PTPN3: variants seen among roughly 807,000 people sequenced by gnomAD.
PTPN3 encodes protein tyrosine phosphatase non-receptor type 3.
In PTPN3, 96 loss-of-function variants were observed where a neutral mutation model predicts 132.7. The ratio of observed to expected loss-of-function variants is 0.72; its 90% CI spans 0.61 to 0.86. The LOEUF (loss-of-function observed/expected upper bound fraction) is 0.86, where lower values mean the gene tolerates loss of function less well. Ranked by LOEUF, PTPN3 falls within the 40% of genes least tolerant of loss-of-function variation. The probability of loss-of-function intolerance (pLI) is 0.00; values close to 1 mark genes in which losing one functional copy is unlikely to be tolerated. For missense variants in PTPN3, 1,125 were observed against 1,159.6 expected, an observed-to-expected ratio of 0.97 and a Z score of 0.43; for synonymous variants, 398 against 429.0, an observed-to-expected ratio of 0.93 and a Z score of 0.89.
At chr9:109,382,962 C>T (rs1839240638) in intron 23 of PTPN3, among the ~76,000 whole-genome samples, 1 of 152,178 alleles carries the variant, frequency 6.6e-6, no homozygotes, top group Non-Finnish European at 1.5e-5. Flanking sequence ...GATGTCCTTT[C>T]TCCTCCTTCC....
intron 19 of PTPN3, 26 bp downstream of exon 19, chr9:109,404,422 G>A (rs750141414): frequency 3.7e-6 from 5 of 1,367,232 alleles, no homozygotes; most frequent in Admixed American, 4.6e-5. Flanking sequence ...ACATGGCAGT[G>A]GGATTCAGCC....
Position 109,420,557 on chromosome 9 carries a change from A to G in PTPN3, c.1180T>C (p.Ser394Pro), listed in dbSNP as rs1413580101. The G allele has an allele frequency of 1.2e-6, 2 of 1,612,452 alleles. No individual in the cohort carries two copies. The highest frequency in any genetic ancestry group is 1.1e-5 in the South Asian group (1 of 90,986). The part of the protein sequence containing the change: ...LRHEIRKPRH[S>P]SADNLANEMT... Reference sequence around the variant, plus strand: ...TCATTTGCAAGGTTATCTGCAGAAGAGTGGCGTGGCTTTCGGATTTCGTGC... The same window carrying G: ...TCATTTGCAAGGTTATCTGCAGAAGGGTGGCGTGGCTTTCGGATTTCGTGC... Residue 394 changes from serine to proline, a missense_variant, in exon 14 of 26, where the codon TCT becomes CCT. Coordinates refer to ENST00000374541, the MANE Select transcript of PTPN3 (RefSeq NM_002829.4).
chr9:109,515,104 C>G, the PTPN3 span, among the ~76,000 whole-genome samples: 2 of 152,090 alleles, frequency 1.3e-5, no homozygotes, highest in Non-Finnish European at 2.9e-5. Context: ...CTCACTGCAG[C>G]CTCAACCTTC....
intron 16 of PTPN3, among the ~76,000 whole-genome samples, chr9:109,408,641 A>G (rs998640433): frequency 5.3e-5 from 8 of 151,984 alleles, no homozygotes; most frequent in Non-Finnish European, 7.4e-5. Context: ...CCCACAGTCC[A>G]TGAACTAACA....
Position 109,391,565 on chromosome 9 carries a change from T to C in PTPN3, c.1954-4A>G, listed in dbSNP as rs779533736. The C allele has an allele frequency of 4.4e-6, 7 of 1,606,756 alleles. No individual in the cohort carries two copies. The highest frequency in any genetic ancestry group is 1.7e-5 in the Admixed American group (1 of 58,622). On this transcript the variant is annotated splice_polypyrimidine_tract_variant and splice_region_variant and intron_variant, in intron 19 of 25. Transcript: ENST00000374541. Reference sequence around the variant, plus strand: ...CTGGCTTTTTTCTGTAGAGTTGCTATGTGAGAAATAGAGAAAAAAGCAAGC... The same window carrying C: ...CTGGCTTTTTTCTGTAGAGTTGCTACGTGAGAAATAGAGAAAAAAGCAAGC...
Position 109,383,297 on chromosome 9 carries a change from G to A in PTPN3, c.2382+126C>T, listed in dbSNP as rs111659621. On this transcript the variant is annotated intron_variant, in intron 23 of 25. Coordinates refer to ENST00000374541, the MANE Select transcript of PTPN3 (RefSeq NM_002829.4). ...CCCTGGCTCTTTGATGGGCAGTCTT[G>A]CGCACTTACTGACACGCTTGCCAGG... 3.0e-4 allele frequency: 465 copies of A among 1,526,932 alleles called. 3 individuals carry two copies. In the African/African-American group the frequency reaches 5.5e-3, roughly 18 times the overall value. The allele number at this position is 1,526,932 out of a possible 1,614,324, so 94.6% of individuals were successfully genotyped here. A position where few individuals can be genotyped will look rare whatever the true frequency, so the allele number is the denominator to read the frequency against.
intron 12 of PTPN3, among the ~76,000 whole-genome samples, chr9:109,425,410 C>G (rs1281553499): frequency 6.6e-6 from 1 of 152,180 alleles, no homozygotes; most frequent in Non-Finnish European, 1.5e-5. Flanking sequence ...GAAAAACCAA[C>G]AAATGATTTA....
chr9:109,392,894 G>T (rs1313330763), intron 19 of PTPN3: 1 of 152,176 alleles, frequency 6.6e-6, no homozygotes, highest in Non-Finnish European at 1.5e-5. Context: ...GTGAGTCACT[G>T]CACCCGGCTA....
At chr9:109,445,436 T>C (rs1480188416) in intron 6 of PTPN3, 144 bp from the exon 7 acceptor site, 12 of 749,860 alleles carry the variant, frequency 1.6e-5, no homozygotes, top group Non-Finnish European at 2.8e-5. Flanking sequence ...AGCAACTTTA[T>C]GCTGCACATA....
At position 109,398,490 on chromosome 9, in the gene PTPN3, A is replaced by G. The variant is rs558512162; in HGVS notation, c.1953+5958T>C. Among the ~76,000 whole-genome samples, 3 of 152,344 alleles carry G rather than the reference A, an allele frequency of 2.0e-5. 1 individual carries two copies. The highest frequency in any genetic ancestry group is 7.2e-5 in the African/African-American group (3 of 41,580). ...AGTAAGTAAAGTAAAAACAGGGGCC[A>G]GAAGAACAAAGATGGTTTCTGGTTT... On this transcript the variant is annotated intron_variant, in intron 19 of 25. Coordinates refer to ENST00000374541, the MANE Select transcript of PTPN3 (RefSeq NM_002829.4).
chr9:109,404,592 A>C lies in PTPN3; in HGVS notation c.1809T>G (p.Ala603=). The C allele has an allele frequency of 1.3e-6, 2 of 1,542,896 alleles. No individual in the cohort carries two copies. The highest frequency in any genetic ancestry group is 1.8e-6 in the Non-Finnish European group (2 of 1,133,064). ...TCAGTTCATCTTCAGACTTGAAGTC[A>C]GCAAATGAGCGGACAGCTGTAACGT... The part of the protein sequence containing the change: ...VIRRRAVRSF[A]DFKSEDELNQ... Residue 603 remains alanine (A), a synonymous_variant, in exon 19 of 26, where the codon GCT becomes GCG. Transcript: ENST00000374541.
the PTPN3 span, among the ~76,000 whole-genome samples, chr9:109,518,791 T>C: frequency 1.3e-5 from 2 of 152,206 alleles, no homozygotes; most frequent in Admixed American, 1.3e-4. Context: ...GACATGATCT[T>C]GAGCAAGTTC....
chr9:109,496,238 A>C (rs752545597), intron 1 of PTPN3, among the ~76,000 whole-genome samples: 20 of 152,256 alleles, frequency 1.3e-4, no homozygotes, highest in Non-Finnish European at 2.8e-4. Flanking sequence ...GGAGCTCGCT[A>C]TAAACTAGAA....
intron 22 of PTPN3, among the ~76,000 whole-genome samples, chr9:109,388,833 G>A (rs1041146858): frequency 2.0e-5 from 3 of 152,192 alleles, no homozygotes; most frequent in South Asian, 2.1e-4. Flanking sequence ...CAGGGACAGC[G>A]CTGAGCTGCC....
At chr9:109,443,074 G>GA (rs1844607900) in intron 7 of PTPN3, among the ~76,000 whole-genome samples, 1 of 142,054 alleles carries the variant, frequency 7.0e-6, no homozygotes, top group Non-Finnish European at 1.5e-5. Flanking sequence ...GGAGACATCA[G>GA]ATTTTTTTTT....
the PTPN3 span, among the ~76,000 whole-genome samples, chr9:109,510,576 A>AAAAAAAAAAATATAT: frequency 2.1e-5 from 1 of 47,326 alleles, no homozygotes; most frequent in African/African-American, 7.5e-5. Context: ...AAAAAAAAAA[A>AAAAAAAAAAATATAT]ATATATATAT....
At chr9:109,380,140 T>C (rs1021986443) in intron 25 of PTPN3, among the ~76,000 whole-genome samples, 1 of 152,134 alleles carries the variant, frequency 6.6e-6, no homozygotes, top group African/African-American at 2.4e-5. Flanking sequence ...TCTTAGCAAA[T>C]ACCTAAGAAA....
chr9:109,413,760 T>C (rs1057402841), intron 14 of PTPN3, among the ~76,000 whole-genome samples: 1 of 151,826 alleles, frequency 6.6e-6, no homozygotes, highest in African/African-American at 2.4e-5. Flanking sequence ...GACAGAGAAA[T>C]GTGAGACACA....
chr9:109,437,222 A>C (rs1021272726), intron 8 of PTPN3, among the ~76,000 whole-genome samples: 2 of 152,354 alleles, frequency 1.3e-5, no homozygotes, highest in Admixed American at 1.3e-4. Flanking sequence ...CACAATATTC[A>C]GACGGAGAAG....
Sources: allele counts gnomAD v4.1 joint callset (sites outside exome capture counted in the v4.1 genomes callset), GRCh38; gene constraint gnomAD v4.1.1; transcripts MANE v1.5; gene names NCBI Gene and HGNC (gene_info 2026-07-23, HGNC 2026-07-21).